NOTCH4: variants seen among roughly 807,000 people sequenced by gnomAD.
NOTCH4 encodes the protein notch receptor 4, also known as neurogenic locus notch homolog protein 4.
A neutral mutation model predicts 189.0 loss-of-function variants in NOTCH4; 138 were observed. The ratio of observed to expected loss-of-function variants is 0.73; its 90% CI spans 0.64 to 0.84. NOTCH4 has a LOEUF of 0.84. Among genes scored for constraint, NOTCH4 ranks in the 40% least tolerant of loss-of-function variants. NOTCH4 has a pLI of 0.00. For synonymous variants in NOTCH4, 942 were observed against 1,032.8 expected (o/e 0.91, Z 1.69); for missense variants, 2,286 against 2,605.4 (o/e 0.88, Z 2.67).
At chr6:32,203,703 C>A in intron 20 of NOTCH4, 67 bp downstream of exon 20, 1 of 1,189,694 alleles carries the variant, frequency 8.4e-7, no homozygotes, top group Non-Finnish European at 1.2e-6. Flanking sequence ...TTCTGGGATT[C>A]CAACTGAGGT....
In NOTCH4 at chr6:32,201,519, G is replaced by A. The variant is rs200353307; in HGVS notation, c.3756-19C>T. ...GGCTGGACTGTGGGGTAAGGAGAGG[G>A]GGACTCAGGACCTCCCTAAAACCTG... On this transcript the variant is annotated intron_variant, in intron 21 of 29. Coordinates refer to ENST00000375023, the MANE Select transcript of NOTCH4 (RefSeq NM_004557.4). This position sits in a 1 kb window ranked among gnomAD's most constrained non-coding sequence, Gnocchi z 5.5. 6.9e-6 allele frequency: 10 copies of A among 1,457,844 alleles called. No individual in the cohort carries two copies. The Admixed American group carries it at 7.3e-5, about 11-fold the overall frequency. 90.3% of individuals were successfully genotyped at this position (1,457,844 alleles called of 1,614,324 possible).
intron 1 of NOTCH4, among the ~76,000 whole-genome samples, chr6:32,223,582 T>A (rs1023205189): frequency 2.0e-5 from 3 of 151,954 alleles, no homozygotes; most frequent in African/African-American, 7.3e-5. Context: ...TCCCTATGGC[T>A]GCAAGAGTCC....
In NOTCH4 at chr6:32,197,367, G is replaced by C; in HGVS notation, c.4984C>G (p.Gln1662Glu). 1.3e-6 allele frequency: 2 copies of C among 1,535,938 alleles called. No individual in the cohort carries two copies. Among genetic ancestry groups the C allele is most frequent in the Non-Finnish European group, 1.8e-6 (2 of 1,142,400 alleles). The change falls in exon 27 of 30, where the codon CAG becomes GAG. Residue 1662 changes from glutamine (Q) to glutamate (E), a missense_variant. By Grantham distance (29) the Gln-to-Glu change is conservative. Coordinates refer to ENST00000375023, the MANE Select transcript of NOTCH4 (RefSeq NM_004557.4). ...GGTGTGCGCCCTGCCCGGTCTGGCTGGTTGGGGTTGGCTCCAGCCTCAAGG... is the reference window on the plus strand; with the variant it reads ...GGTGTGCGCCCTGCCCGGTCTGGCTCGTTGGGGTTGGCTCCAGCCTCAAGG... ...RLLEAGANPN[Q>E]PDRAGRTPLH... is the part of the protein sequence containing the mutation.
In NOTCH4 at chr6:32,199,988, G is replaced by A. The variant is rs1788237269; in HGVS notation, c.4315+843C>T. 6.6e-6 allele frequency among the ~76,000 whole-genome samples: 1 copy of A among 152,170 alleles called. No homozygotes were observed. The highest frequency in any genetic ancestry group is 1.5e-5 in the Non-Finnish European group (1 of 68,036). ...TACCAACATAACGCTCAAAGGAAAT[G>A]CTCATTGTAGCATTTGGATGTTGTA... On this transcript the variant is annotated intron_variant, in intron 23 of 29. Coordinates refer to ENST00000375023, the MANE Select transcript of NOTCH4 (RefSeq NM_004557.4). This position sits in a 1 kb window ranked among gnomAD's most constrained non-coding sequence, Gnocchi z 4.9.
rs752469207 is a variant in NOTCH4, at chr6:32,220,419, G to T, written c.1145C>A (p.Pro382Gln). 30 of 1,613,978 alleles carry T rather than the reference G, an allele frequency of 1.9e-5. No individual in the cohort carries two copies. Among genetic ancestry groups the T allele is most frequent in the Non-Finnish European group, 8.5e-7 (1 of 1,179,964 alleles). Residue 382 changes from proline (P) to glutamine (Q), a missense_variant, in exon 6 of 30, where the codon CCA becomes CAA. This residue lies in a region of NOTCH4 where 1,903 missense variants were observed against 2,261.9 expected (regional missense o/e 0.84). Coordinates refer to ENST00000375023, the MANE Select transcript of NOTCH4 (RefSeq NM_004557.4). ...TACCCCCATACCTGTGCGTCCAGGT[G>T]GGCAGAGGCAGGAGAAAGAGCCCAC... ...DRVGSFSCLC[P>Q]PGRTGLLCHL...
chr6:32,199,143 G>T lies in NOTCH4; in HGVS notation c.4318C>A (p.Pro1440Thr), dbSNP rs1242008641. The change falls in exon 24 of 30, where the codon CCC (proline) becomes ACC (threonine). Residue 1440 changes from proline (P) to threonine (T), a missense_variant and splice_region_variant. Physicochemically the swap from Pro to Thr is conservative, Grantham distance 38 (BLOSUM62 -1). Coordinates refer to ENST00000375023, the MANE Select transcript of NOTCH4 (RefSeq NM_004557.4). The surrounding 1 kb of genome is among the most constrained non-coding windows in gnomAD (Gnocchi z 4.9). The stretch of plus-strand genomic sequence containing the variant: ...GGCCAGGGAAGCTGGTTGGCAGGGG[G>T]TGCTGGTGGGAGAGACAGAGTCACA... ...LAVHPHAGTA[P>T]PANQLPWPVL... 3 of 1,583,234 alleles carry T rather than the reference G, an allele frequency of 1.9e-6. No individual in the cohort carries two copies. Among genetic ancestry groups the T allele is most frequent in the East Asian group, 4.6e-5 (2 of 43,690 alleles).
At chr6:32,223,287 C>A (rs1408673980) in intron 1 of NOTCH4, among the ~76,000 whole-genome samples, 1 of 152,150 alleles carries the variant, frequency 6.6e-6, no homozygotes, top group African/African-American at 2.4e-5. Flanking sequence ...ATCCCTACCC[C>A]CCTTTCCTGT....
rs2127458543 is a variant in NOTCH4 at position 32,195,847 on chromosome 6, C to T, written c.5602G>A (p.Ala1868Thr). 1 of 1,597,282 alleles carries T rather than the reference C, an allele frequency of 6.3e-7. No homozygotes were observed. Residue 1868 changes from alanine to threonine, a missense_variant, in exon 30 of 30, where the codon GCA becomes ACA. Ala to Thr is a moderately conservative substitution (Grantham distance 58). Coordinates refer to ENST00000375023, the MANE Select transcript of NOTCH4 (RefSeq NM_004557.4). The surrounding 1 kb of genome is among the most constrained non-coding windows in gnomAD (Gnocchi z 5.4). The stretch of plus-strand genomic sequence containing the variant: ...CAAGCTCCGCCCCCACGAGGGCCTG[C>T]TCCGGCTGACAGCGTCCGGCAGCGC... ...LPRCRTLSAG[A>T]GPRGGGACLQ... is the part of the protein sequence containing the mutation.
At chr6:32,223,173 A>G (rs1789902671) in intron 1 of NOTCH4, 87 bp from the exon 2 acceptor site, 4 of 961,692 alleles carry the variant, frequency 4.2e-6, no homozygotes, top group South Asian at 2.6e-5. Context: ...AGACCTGCCC[A>G]CAGCAGCTCC....
chr6:32,213,196 A>G lies in NOTCH4; in HGVS notation c.2377T>C (p.Cys793Arg). 1 of 1,614,062 alleles carries G rather than the reference A, an allele frequency of 6.2e-7. No homozygotes were observed. The highest frequency in any genetic ancestry group is 8.5e-7 in the Non-Finnish European group (1 of 1,179,958). Residue 793 changes from cysteine (C) to arginine (R), a missense_variant, in exon 15 of 30, where the codon TGT becomes CGT. Physicochemically the swap from Cys to Arg is radical, Grantham distance 180. Coordinates refer to ENST00000375023, the MANE Select transcript of NOTCH4 (RefSeq NM_004557.4). The stretch of plus-strand genomic sequence containing the variant: ...CGCGGGCCCTGGAAGCCCATGGCAC[A>G]GAGGCAGGAGAAGGTGCCAGGCCTG... ...VNRPGTFSCL[C>R]AMGFQGPRCE... is the part of the protein sequence containing the mutation.
chr6:32,213,791 G>C lies in NOTCH4; in HGVS notation c.2217C>G (p.Leu739=). ...EMTACHSGPC[L]NGGSCNPSPG... ...GGCTAGGGTTGCAGGAGCCGCCATTGAGACATGGCCCTGAGTGACAAGCTG... is the reference window on the plus strand; with the variant it reads ...GGCTAGGGTTGCAGGAGCCGCCATTCAGACATGGCCCTGAGTGACAAGCTG... Residue 739 remains leucine (L), a synonymous_variant, in exon 14 of 30, where the codon CTC becomes CTG. Transcript: ENST00000375023. 6.2e-7 allele frequency: 1 copy of C among 1,612,198 alleles called. No individual in the cohort carries two copies.
Position 32,201,956 on chromosome 6 carries a change from G to C in NOTCH4, c.3755+120C>G. 1.1e-6 allele frequency: 1 copy of C among 933,108 alleles called. No individual in the cohort carries two copies. Among genetic ancestry groups the C allele is most frequent in the East Asian group, 2.8e-5 (1 of 35,432 alleles). 57.8% of individuals were successfully genotyped at this position (933,108 alleles called of 1,614,324 possible). ...GACCCCTGTTTAGTGATGGTTATTA[G>C]GGTGGAAACTCCCTGGAGCCCAAGG... On this transcript the variant is annotated intron_variant, in intron 21 of 29. Coordinates refer to ENST00000375023, the MANE Select transcript of NOTCH4 (RefSeq NM_004557.4). The surrounding 1 kb of genome is among the most constrained non-coding windows in gnomAD (Gnocchi z 5.5).
chr6:32,211,977 T>G (rs1789049694), intron 17 of NOTCH4, among the ~76,000 whole-genome samples: 1 of 152,240 alleles, frequency 6.6e-6, no homozygotes, highest in Non-Finnish European at 1.5e-5. Flanking sequence ...TCCTTTAATG[T>G]TCTCTCCCTG....
At position 32,207,843 on chromosome 6, in the gene NOTCH4, A is replaced by T. The variant is rs1028150234; in HGVS notation, c.2865+2909T>A. 2.6e-5 allele frequency among the ~76,000 whole-genome samples: 4 copies of T among 151,848 alleles called. No individual in the cohort carries two copies. In the East Asian group the frequency reaches 7.7e-4, roughly 29 times the overall value. On this transcript the variant is annotated intron_variant, in intron 18 of 29. Coordinates refer to ENST00000375023, the MANE Select transcript of NOTCH4 (RefSeq NM_004557.4). Reference sequence around the variant, plus strand: ...ATGGTGAAACCCCGTCTCTACTAAAAATACAAAAAAATAGCTGGGCGTGGT... The same window carrying T: ...ATGGTGAAACCCCGTCTCTACTAAATATACAAAAAAATAGCTGGGCGTGGT...
intron 12 of NOTCH4, among the ~76,000 whole-genome samples, chr6:32,214,631 ATT>A (rs9279511): frequency 4.9e-4 from 72 of 146,090 alleles, no homozygotes; most frequent in East Asian, 8.1e-4. Flanking sequence ...TGCTCAGCAG[ATT>A]TTTTTTTTTT....
rs1486077409 is a variant in NOTCH4 at position 32,213,750 on chromosome 6, C to T, written c.2258G>A (p.Cys753Tyr). 6.2e-7 allele frequency: 1 copy of T among 1,612,630 alleles called. No individual in the cohort carries two copies. The highest frequency in any genetic ancestry group is 2.2e-5 in the East Asian group (1 of 44,882). ...CCCTGTGTGGCTTGGAGGGCAGGTGCAGTAGTAGCCTCCAGGGCTAGGGTT... is the reference window on the plus strand; with the variant it reads ...CCCTGTGTGGCTTGGAGGGCAGGTGTAGTAGTAGCCTCCAGGGCTAGGGTT... ...SCNPSPGGYYCTCPPSHTGPQ... is the reference protein window; with the variant it reads ...SCNPSPGGYYYTCPPSHTGPQ... Residue 753 changes from cysteine to tyrosine, a missense_variant, in exon 14 of 30, where the codon TGC becomes TAC. Cys to Tyr is a radical substitution (Grantham distance 194). Transcript: ENST00000375023.
intron 17 of NOTCH4, among the ~76,000 whole-genome samples, chr6:32,211,223 G>T (rs1371076739): frequency 6.6e-6 from 1 of 151,542 alleles, no homozygotes; most frequent in Non-Finnish European, 1.5e-5. Context: ...TCGTGCCATT[G>T]CACTCCAGCC....
chr6:32,214,074 C>G (rs776201108), intron 13 of NOTCH4, 36 bp downstream of exon 13: 1 of 1,580,850 alleles, frequency 6.3e-7, no homozygotes, highest in Non-Finnish European at 8.6e-7. Flanking sequence ...AGGGGGTGAC[C>G]AGCACAGGGT....
Position 32,202,082 on chromosome 6 carries a change from G to A in NOTCH4, c.3749C>T (p.Ala1250Val), listed in dbSNP as rs2127466680. 1.4e-6 allele frequency: 2 copies of A among 1,469,834 alleles called. No individual in the cohort carries two copies. The highest frequency in any genetic ancestry group is 1.8e-6 in the Non-Finnish European group (2 of 1,104,524). 91.0% of individuals were successfully genotyped at this position (1,469,834 alleles called of 1,614,324 possible). A position where few individuals can be genotyped will look rare whatever the true frequency, so the allele number is the denominator to read the frequency against. ...FDGYDCETPP[A>V]CTPAYDQYCH... ...CAGTGGATTTCAGGCTCACGTGCAGGCTGGAGGGGTCTCACAGTCGTAGCC... is the reference window on the plus strand; with the variant it reads ...CAGTGGATTTCAGGCTCACGTGCAGACTGGAGGGGTCTCACAGTCGTAGCC... The change falls in exon 21 of 30, where the codon GCC becomes GTC. Residue 1250 changes from alanine (A) to valine (V), a missense_variant. Ala to Val is a moderately conservative substitution (Grantham distance 64, BLOSUM62 0). This residue lies in a region of NOTCH4 where 1,903 missense variants were observed against 2,261.9 expected (regional missense o/e 0.84). Coordinates refer to ENST00000375023, the MANE Select transcript of NOTCH4 (RefSeq NM_004557.4). This position sits in a 1 kb window ranked among gnomAD's most constrained non-coding sequence, Gnocchi z 5.7.
Sources: gnomAD v4.1 joint callset for allele counts (sites outside exome capture counted in the v4.1 genomes callset) on GRCh38, gnomAD v4.1.1 for gene constraint, gnomAD v4.1.1 regional missense constraint, Gnocchi (gnomAD v3.1) non-coding constraint, MANE v1.5 for transcripts, NCBI Gene and HGNC (gene_info 2026-07-23, HGNC 2026-07-21) for gene names.